SAMTOR: variants seen among roughly 807,000 people sequenced by gnomAD.
SAMTOR encodes the protein UPF0532 protein C7orf60.
At chr7:112,894,793 C>G in the SAMTOR span, among the ~76,000 whole-genome samples, 1 of 152,070 alleles carries the variant, frequency 6.6e-6, no homozygotes, top group South Asian at 2.1e-4. Flanking sequence ...GGTGGGGACA[C>G]AATTAAACCA....
the SAMTOR span, among the ~76,000 whole-genome samples, chr7:112,853,689 TAG>T: frequency 1.3e-5 from 2 of 152,140 alleles, no homozygotes; most frequent in African/African-American, 4.8e-5. Context: ...AGGCATTCTC[TAG>T]AGTCAGTGAA....
chr7:112,846,145 C>CTTTTTTTTTTTTTTT, the SAMTOR span, among the ~76,000 whole-genome samples: 1 of 129,002 alleles, frequency 7.8e-6, no homozygotes. Context: ...ATCTGTACAA[C>CTTTTTTTTTTTTTTT]TTTTTTTTTT....
the SAMTOR span, among the ~76,000 whole-genome samples, chr7:112,928,562 G>C: frequency 6.6e-6 from 1 of 151,936 alleles, no homozygotes. Flanking sequence ...TGCTCAGTCA[G>C]TGGAGGACAA....
the SAMTOR span, among the ~76,000 whole-genome samples, chr7:112,864,352 A>G: frequency 6.6e-6 from 1 of 152,220 alleles, no homozygotes; most frequent in Non-Finnish European, 1.5e-5. Context: ...TTACCTATGT[A>G]ACAAACCTAC....
At chr7:112,915,092 G>A in the SAMTOR span, among the ~76,000 whole-genome samples, 1 of 151,966 alleles carries the variant, frequency 6.6e-6, no homozygotes, top group African/African-American at 2.4e-5. Context: ...TACAAAAATA[G>A]CTGGGCACAG....
chr7:112,887,429 T>C, the SAMTOR span, among the ~76,000 whole-genome samples: 4 of 152,182 alleles, frequency 2.6e-5, no homozygotes, highest in South Asian at 2.1e-4. Flanking sequence ...ACTGGTTCAG[T>C]GTCTTAAACT....
chr7:112,868,889 G>A, the SAMTOR span, among the ~76,000 whole-genome samples: 1 of 152,182 alleles, frequency 6.6e-6, no homozygotes, highest in Non-Finnish European at 1.5e-5. Context: ...TGCAGCCAGG[G>A]ACAGCTTTGT....
chr7:112,859,366 C>T, the SAMTOR span, among the ~76,000 whole-genome samples: 3 of 152,302 alleles, frequency 2.0e-5, no homozygotes, highest in Non-Finnish European at 2.9e-5. Context: ...GCATTACTAA[C>T]ATTTGCGGAG....
chr7:112,919,818 C>T, the SAMTOR span, among the ~76,000 whole-genome samples: 1 of 152,298 alleles, frequency 6.6e-6, no homozygotes, highest in South Asian at 2.1e-4. Flanking sequence ...ATACTACAAA[C>T]ACCTCTACGC....
the SAMTOR span, among the ~76,000 whole-genome samples, chr7:112,839,406 G>T: frequency 6.6e-6 from 1 of 151,814 alleles, no homozygotes; most frequent in African/African-American, 2.4e-5. Context: ...ACCACTAATG[G>T]ATGCTAAAGC....
At chr7:112,875,583 T>C in the SAMTOR span, among the ~76,000 whole-genome samples, 1 of 152,128 alleles carries the variant, frequency 6.6e-6, no homozygotes, top group Non-Finnish European at 1.5e-5. Context: ...GTAGAACTGA[T>C]CTGAATTTCC....
chr7:112,873,112 A>T, the SAMTOR span, among the ~76,000 whole-genome samples: 1 of 152,254 alleles, frequency 6.6e-6, no homozygotes, highest in East Asian at 2.0e-4. Flanking sequence ...GAACTGGATG[A>T]ATCAGTATTG....
chr7:112,890,389 A>G, the SAMTOR span, among the ~76,000 whole-genome samples: 2 of 152,074 alleles, frequency 1.3e-5, no homozygotes, highest in East Asian at 1.9e-4. Context: ...AAAAAACACT[A>G]AACATAATAA....
chr7:112,820,268 C>T, the SAMTOR span: 1 of 152,350 alleles, frequency 6.6e-6, no homozygotes, highest in Non-Finnish European at 1.5e-5. Flanking sequence ...TTCAAAGGTA[C>T]TACGGCAATT....
chr7:112,831,309 C>G, the SAMTOR span, among the ~76,000 whole-genome samples: 355 of 152,260 alleles, frequency 2.3e-3, 2 homozygotes, highest in African/African-American at 8.3e-3. Context: ...AGTTATCTAT[C>G]TTTAAAAAAT....
chr7:112,866,054 A>G, the SAMTOR span, among the ~76,000 whole-genome samples: 1 of 152,006 alleles, frequency 6.6e-6, no homozygotes, highest in African/African-American at 2.4e-5. Context: ...TATACTAACT[A>G]TTTACATGCC....
chr7:112,826,772 A>G, the SAMTOR span, among the ~76,000 whole-genome samples: 1 of 152,070 alleles, frequency 6.6e-6, no homozygotes, highest in Non-Finnish European at 1.5e-5. Flanking sequence ...TACTTTTGTG[A>G]CTTTAGTGAC....
chr7:112,916,506 C>A, the SAMTOR span, among the ~76,000 whole-genome samples: 1 of 152,170 alleles, frequency 6.6e-6, no homozygotes, highest in Non-Finnish European at 1.5e-5. Context: ...CAGCTCCCAG[C>A]GTGACTGAAG....
the SAMTOR span, among the ~76,000 whole-genome samples, chr7:112,914,055 ATAT>A: frequency 6.6e-6 from 1 of 152,176 alleles, no homozygotes; most frequent in African/African-American, 2.4e-5. Context: ...CAATCACTAA[ATAT>A]TATTTATTAA....
Sources: allele counts gnomAD v4.1 joint callset (sites outside exome capture counted in the v4.1 genomes callset), GRCh38; gene constraint gnomAD v4.1.1; transcripts MANE v1.5; gene names NCBI Gene and HGNC (gene_info 2026-07-23, HGNC 2026-07-21).